PRUNE1: variants seen among roughly 807,000 people sequenced by gnomAD.
PRUNE1 encodes the protein prune exopolyphosphatase 1.
In PRUNE1, 25 loss-of-function variants were observed where a neutral mutation model predicts 42.5. The ratio of observed to expected loss-of-function variants is 0.59; its 90% CI spans 0.43 to 0.82. The LOEUF (loss-of-function observed/expected upper bound fraction) is 0.82. PRUNE1 is among the 40% of genes least tolerant of loss of function. The probability of loss-of-function intolerance (pLI) is 0.00; values close to 1 mark genes in which losing one functional copy is unlikely to be tolerated. For missense variants in PRUNE1, 443 were observed against 539.3 expected (o/e 0.82, Z 1.77); for synonymous variants, 203 against 217.1 (o/e 0.93, Z 0.57).
chr1:151,027,386 C>T (rs587640584), intron 6 of PRUNE1, 59 bp downstream of exon 6: 16 of 1,296,768 alleles, frequency 1.2e-5, no homozygotes, highest in South Asian at 4.9e-5. Flanking sequence ...GCATGTTATG[C>T]ATGTGGCCTT....
chr1:151,018,640 C>T lies in PRUNE1; in HGVS notation c.306C>T (p.Leu102=), dbSNP rs1674242236. ...TATACCAGGCTGGCCAACTCACCCT[C>T]ATCCTTGTCGACCATCATATCTTAT... ...HALYQAGQLT[L]ILVDHHILSK... Residue 102 remains leucine (L), a synonymous_variant, in exon 3 of 8, where the codon CTC becomes CTT. Transcript: ENST00000271620. The T allele has an allele frequency of 4.3e-6, 7 of 1,614,140 alleles. No homozygotes were observed. Among genetic ancestry groups the T allele is most frequent in the Non-Finnish European group, 8.5e-7 (1 of 1,180,010 alleles).
rs1420544061 is a variant in PRUNE1, at chr1:151,008,604, A to G, written c.-29A>G. The G allele has an allele frequency of 6.2e-7, 1 of 1,613,992 alleles. No homozygotes were observed. The highest frequency in any genetic ancestry group is 8.5e-7 in the Non-Finnish European group (1 of 1,179,890). On this transcript the variant is annotated 5_prime_UTR_variant, in exon 1 of 8. Transcript: ENST00000271620. ...CGACCAGGGGCACCTCTACTCGACC[A>G]GGGGCGACGGCGTACTTTGGGCTTC...
chr1:151,012,714 CTA>C (rs760488012), intron 1 of PRUNE1, among the ~76,000 whole-genome samples: 3 of 152,102 alleles, frequency 2.0e-5, no homozygotes, highest in Non-Finnish European at 2.9e-5. Context: ...ACTTATGGTA[CTA>C]TCTCATTTAA....
chr1:151,010,525 TGAAAG>T (rs1000993435), intron 1 of PRUNE1, among the ~76,000 whole-genome samples: 1 of 151,998 alleles, frequency 6.6e-6, no homozygotes, highest in Non-Finnish European at 1.5e-5. Context: ...TGTGAACTTG[TGAAAG>T]GTGAGATTGT....
chr1:151,009,851 C>T (rs1673642362), intron 1 of PRUNE1, among the ~76,000 whole-genome samples: 3 of 151,980 alleles, frequency 2.0e-5, no homozygotes, highest in Admixed American at 2.0e-4. Flanking sequence ...TTTTTGTTAC[C>T]TCTGAGTCCA....
rs112570613 is a variant in PRUNE1, at chr1:151,028,701, G to A, written c.775-85G>A. ...GCCTCCCAAAGTGCTAGGATTATAG[G>A]CGTAAGCGACCGTGCCCGGCCCAAG... is the stretch of plus-strand genomic sequence containing the variant. On this transcript the variant is annotated intron_variant, in intron 6 of 7. Coordinates refer to ENST00000271620, the MANE Select transcript of PRUNE1 (RefSeq NM_021222.3). 6.0e-3 allele frequency: 8,539 copies of A among 1,426,448 alleles called. 33 individuals carry two copies. Among genetic ancestry groups the A allele is most frequent in the Non-Finnish European group, 6.6e-3 (6,883 of 1,035,742 alleles). The allele number at this position is 1,426,448 out of a possible 1,614,324, so 88.4% of individuals were successfully genotyped here. A position where few individuals can be genotyped will look rare whatever the true frequency, so the allele number is the denominator to read the frequency against.
intron 1 of PRUNE1, among the ~76,000 whole-genome samples, chr1:151,011,741 C>T (rs587756249): frequency 1.1e-4 from 17 of 152,072 alleles, no homozygotes; most frequent in Admixed American, 2.6e-4. Flanking sequence ...AGAGTCATTT[C>T]AACTAGTGGG....
Position 151,025,582 on chromosome 1 carries a change from A to G in PRUNE1, c.588A>G (p.Lys196=). ...KIGKATPKDS[K]YVEKLEALFP... Reference sequence around the variant, plus strand: ...GAAAGGCAACCCCAAAGGACAGCAAATATGTGGAGAAACTAGAGGCCCTTT... The same window carrying G: ...GAAAGGCAACCCCAAAGGACAGCAAGTATGTGGAGAAACTAGAGGCCCTTT... Residue 196 remains lysine (K), a synonymous_variant, in exon 5 of 8, where the codon AAA becomes AAG. Coordinates refer to ENST00000271620, the MANE Select transcript of PRUNE1 (RefSeq NM_021222.3). 1 of 1,613,846 alleles carries G rather than the reference A, an allele frequency of 6.2e-7. No homozygotes were observed. Among genetic ancestry groups the G allele is most frequent in the Non-Finnish European group, 8.5e-7 (1 of 1,179,758 alleles).
At chr1:151,027,783 C>CGT (rs769885758) in intron 6 of PRUNE1, among the ~76,000 whole-genome samples, 11 of 129,604 alleles carry the variant, frequency 8.5e-5, no homozygotes, top group East Asian at 2.3e-4. Context: ...TGTGTGTGTG[C>CGT]GCGCGCGTGT....
chr1:151,029,229 A>C (rs1675075330), intron 7 of PRUNE1, among the ~76,000 whole-genome samples: 1 of 151,896 alleles, frequency 6.6e-6, no homozygotes. Context: ...TCCTACTTTG[A>C]AAGAACGAAA....
At chr1:151,010,558 A>G (rs1409813915) in intron 1 of PRUNE1, among the ~76,000 whole-genome samples, 1 of 152,148 alleles carries the variant, frequency 6.6e-6, no homozygotes, top group Non-Finnish European at 1.5e-5. Flanking sequence ...AGCTTGCATC[A>G]TCACATAGCC....
chr1:151,020,665 A>AATAATGT (rs1674360202), intron 3 of PRUNE1, among the ~76,000 whole-genome samples: 1 of 152,062 alleles, frequency 6.6e-6, no homozygotes, highest in Non-Finnish European at 1.5e-5. Context: ...ACGATTTTAG[A>AATAATGT]ATAATGTATT....
At chr1:151,008,711 G>C in intron 1 of PRUNE1, 40 bp downstream of exon 1, 1 of 1,611,054 alleles carries the variant, frequency 6.2e-7, no homozygotes, top group Non-Finnish European at 8.5e-7. Flanking sequence ...AATGGAGCAC[G>C]GGGTCCAGGA....
chr1:151,034,303 T>C lies in PRUNE1; in HGVS notation c.*69T>C. 1 of 1,479,598 alleles carries C rather than the reference T, an allele frequency of 6.8e-7. No individual in the cohort carries two copies. Among genetic ancestry groups the C allele is most frequent in the East Asian group, 2.3e-5 (1 of 43,816 alleles). The allele number at this position is 1,479,598 out of a possible 1,614,324, so 91.7% of individuals were successfully genotyped here. A position where few individuals can be genotyped will look rare whatever the true frequency, so the allele number is the denominator to read the frequency against. ...CTTCAAATGCATGTTTTGAGATGTT[T>C]GGAGATTCAGCAATTCTGTCTTCAT... On this transcript the variant is annotated 3_prime_UTR_variant, in exon 8 of 8. Coordinates refer to ENST00000271620, the MANE Select transcript of PRUNE1 (RefSeq NM_021222.3).
At chr1:151,031,198 T>TG (rs1675227123) in intron 7 of PRUNE1, among the ~76,000 whole-genome samples, 1 of 150,324 alleles carries the variant, frequency 6.7e-6, no homozygotes, top group Non-Finnish European at 1.5e-5. Flanking sequence ...TGTGTGTTTT[T>TG]TTTTTTTTTT....
chr1:151,013,949 T>A (rs994279071), intron 1 of PRUNE1, among the ~76,000 whole-genome samples: 3 of 151,818 alleles, frequency 2.0e-5, no homozygotes, highest in Non-Finnish European at 2.9e-5. Context: ...CCTACCCCAG[T>A]GCTGTTCAGT....
intron 2 of PRUNE1, 138 bp downstream of exon 2, chr1:151,018,042 C>T (rs1278292877): frequency 3.1e-6 from 2 of 637,538 alleles, no homozygotes; most frequent in Non-Finnish European, 5.5e-6. Flanking sequence ...CTCATGCCAC[C>T]ATCCATAAAA....
intron 3 of PRUNE1, among the ~76,000 whole-genome samples, chr1:151,021,913 C>T (rs1571790890): frequency 1.3e-5 from 2 of 151,312 alleles, no homozygotes; most frequent in East Asian, 3.9e-4. Context: ...GGTGATCCGC[C>T]CACCTCGGAC....
intron 3 of PRUNE1, among the ~76,000 whole-genome samples, chr1:151,022,327 C>G (rs1365982760): frequency 6.6e-6 from 1 of 151,644 alleles, no homozygotes; most frequent in Non-Finnish European, 1.5e-5. Flanking sequence ...CAAGGCTGGT[C>G]TCAAACTCCT....
Sources: allele counts gnomAD v4.1 joint callset (sites outside exome capture counted in the v4.1 genomes callset), GRCh38; gene constraint gnomAD v4.1.1; transcripts MANE v1.5; gene names NCBI Gene and HGNC (gene_info 2026-07-23, HGNC 2026-07-21).